Variants in PCCA observed in about 807,000 individuals in gnomAD.
PCCA encodes propionyl-CoA carboxylase subunit alpha.
Under a neutral mutation model 101.3 loss-of-function variants are expected in PCCA, and 74 were observed. The ratio of observed to expected loss-of-function variants is 0.73; its 90% CI spans 0.61 to 0.89. The LOEUF (loss-of-function observed/expected upper bound fraction) is 0.89, where lower values mean the gene tolerates loss of function less well. Among genes scored for constraint, PCCA ranks in the 40% least tolerant of loss-of-function variants. The pLI, the probability that PCCA is intolerant of heterozygous loss-of-function variation, is 0.00. For missense variants in PCCA, 891 were observed against 907.0 expected, an observed-to-expected ratio of 0.98 and a Z score of 0.23; for synonymous variants, 294 against 313.6, an observed-to-expected ratio of 0.94 and a Z score of 0.66.
At chr13:100,471,503 A>G (rs986699601) in intron 21 of PCCA, among the ~76,000 whole-genome samples, 3 of 152,242 alleles carry the variant, frequency 2.0e-5, no homozygotes, top group Non-Finnish European at 4.4e-5. Context: ...TAAAAAGTGC[A>G]TTATCCTTGA....
intron 4 of PCCA, among the ~76,000 whole-genome samples, chr13:100,114,576 C>T (rs1037764654): frequency 2.6e-5 from 4 of 151,922 alleles, no homozygotes; most frequent in African/African-American, 9.7e-5. Context: ...GTAGCGTGGG[C>T]GACCAGGCGA....
chr13:100,507,805 C>T (rs542041485), intron 21 of PCCA, among the ~76,000 whole-genome samples: 2 of 151,272 alleles, frequency 1.3e-5, no homozygotes, highest in South Asian at 2.1e-4. Context: ...TACAAGCGCC[C>T]ACCACCACGC....
chr13:100,421,064 G>A (rs943807439), intron 19 of PCCA, among the ~76,000 whole-genome samples: 14 of 152,040 alleles, frequency 9.2e-5, no homozygotes, highest in Non-Finnish European at 1.6e-4. Context: ...AAAATTAGCC[G>A]GGCCTGGTGG....
intron 21 of PCCA, among the ~76,000 whole-genome samples, chr13:100,500,590 C>G (rs115360187): frequency 0.018 from 2,781 of 152,314 alleles, 92 homozygotes; most frequent in African/African-American, 0.064. Context: ...GAGAACCTCT[C>G]TCCCAGAAGA....
intron 4 of PCCA, among the ~76,000 whole-genome samples, chr13:100,139,235 A>G (rs2051568799): frequency 6.6e-6 from 1 of 151,770 alleles, no homozygotes. Context: ...CCTGTTTGAG[A>G]TTCACTGACC....
At chr13:100,225,452 G>A (rs1056012621) in intron 7 of PCCA, among the ~76,000 whole-genome samples, 3 of 152,208 alleles carry the variant, frequency 2.0e-5, no homozygotes, top group African/African-American at 7.2e-5. Flanking sequence ...AAATTAGGCA[G>A]TGTAGATTTA....
chr13:100,248,258 C>A (rs1030737471), intron 8 of PCCA, among the ~76,000 whole-genome samples: 1 of 151,702 alleles, frequency 6.6e-6, no homozygotes, highest in Non-Finnish European at 1.5e-5. Flanking sequence ...TTGTTCCATT[C>A]TTTGGATTCT....
At position 100,209,035 on chromosome 13, in the gene PCCA, G is replaced by C. The variant is rs561951094; in HGVS notation, c.469-297G>C. 2.0e-5 allele frequency among the ~76,000 whole-genome samples: 3 copies of C among 152,248 alleles called. No homozygotes were observed. The South Asian group carries it at 6.2e-4, about 32-fold the overall frequency. On this transcript the variant is annotated intron_variant, in intron 6 of 23. Coordinates refer to ENST00000376285, the MANE Select transcript of PCCA (RefSeq NM_000282.4). The stretch of plus-strand genomic sequence containing the variant: ...GGTGACCTTACTGGCTAGATTAGGT[G>C]GTGTAGGACGTTATATACAAATACA...
intron 21 of PCCA, among the ~76,000 whole-genome samples, chr13:100,489,163 C>T (rs2152978106): frequency 1.3e-5 from 2 of 152,044 alleles, no homozygotes; most frequent in South Asian, 4.2e-4. Context: ...AAAAAATTAG[C>T]CAGGCGTGGT....
At chr13:100,505,937 T>C (rs1310756710) in intron 21 of PCCA, among the ~76,000 whole-genome samples, 2 of 138,594 alleles carry the variant, frequency 1.4e-5, no homozygotes, top group African/African-American at 5.4e-5. Flanking sequence ...CAGGAAATAA[T>C]ACCTGGTGAA....
At chr13:100,335,000 TAAAAG>T (rs1283618277) in intron 17 of PCCA, among the ~76,000 whole-genome samples, 1 of 152,094 alleles carries the variant, frequency 6.6e-6, no homozygotes. Flanking sequence ...TTAAATCTTC[TAAAAG>T]AAAAGAAAGA....
chr13:100,295,676 A>G (rs1384410703), intron 12 of PCCA, among the ~76,000 whole-genome samples: 3 of 152,192 alleles, frequency 2.0e-5, no homozygotes, highest in Admixed American at 6.5e-5. Flanking sequence ...GGTTATACTT[A>G]GGTATGGTGG....
chr13:100,230,559 GA>G (rs1594832583), intron 7 of PCCA, among the ~76,000 whole-genome samples: 1 of 147,168 alleles, frequency 6.8e-6, no homozygotes, highest in East Asian at 2.0e-4. Context: ...AAAAAAGAAA[GA>G]ACGTGGCATT....
chr13:100,293,985 G>A (rs1271491134), intron 12 of PCCA, among the ~76,000 whole-genome samples: 3 of 152,064 alleles, frequency 2.0e-5, no homozygotes, highest in Admixed American at 6.6e-5. Flanking sequence ...GTTTGCTAGG[G>A]CTGCCATAAC....
At chr13:100,278,266 G>A (rs1466625759) in intron 12 of PCCA, among the ~76,000 whole-genome samples, 1 of 152,190 alleles carries the variant, frequency 6.6e-6, no homozygotes, top group African/African-American at 2.4e-5. Context: ...AAGACAATTT[G>A]AGACGACTGC....
At chr13:100,126,809 T>G (rs538431706) in intron 4 of PCCA, among the ~76,000 whole-genome samples, 3 of 152,306 alleles carry the variant, frequency 2.0e-5, no homozygotes, top group African/African-American at 7.2e-5. Context: ...TTTTTATTAT[T>G]GTGAGCACTG....
In PCCA at chr13:100,158,873, A is replaced by G. The variant is rs1449697967; in HGVS notation, c.468+1533A>G. Among the ~76,000 whole-genome samples the G allele has an allele frequency of 2.0e-5, 3 of 151,992 alleles. No individual in the cohort carries two copies. In the South Asian group the frequency reaches 6.2e-4, roughly 32 times the overall value. ...AGAGACCATTTGGCCTATCAAGCCT[A>G]AAATACTTTTTCTATGGTCCTTTAT... On this transcript the variant is annotated intron_variant, in intron 6 of 23. Transcript: ENST00000376285.
chr13:100,346,687 G>A (rs1164571727), intron 18 of PCCA, among the ~76,000 whole-genome samples: 1 of 152,154 alleles, frequency 6.6e-6, no homozygotes, highest in Admixed American at 6.5e-5. Flanking sequence ...ACATGCTACA[G>A]GGAAACCTTT....
chr13:100,113,241 T>C (rs2048488117), intron 4 of PCCA, among the ~76,000 whole-genome samples: 1 of 152,196 alleles, frequency 6.6e-6, no homozygotes, highest in Non-Finnish European at 1.5e-5. Context: ...CTGTAGGCAA[T>C]TGTAACACAA....
Sources: allele counts gnomAD v4.1 joint callset (sites outside exome capture counted in the v4.1 genomes callset), GRCh38; gene constraint gnomAD v4.1.1; transcripts MANE v1.5; gene names NCBI Gene and HGNC (gene_info 2026-07-23, HGNC 2026-07-21).